Variants in ZBTB20 observed in about 807,000 individuals in gnomAD.
ZBTB20 encodes the protein zinc finger and BTB domain-containing protein 20.
In ZBTB20, 9 loss-of-function variants were observed where a neutral mutation model predicts 56.9. That is an observed-to-expected ratio of 0.16 (90% CI 0.10 to 0.28). The LOEUF (loss-of-function observed/expected upper bound fraction) is 0.28. Among genes scored for constraint, ZBTB20 ranks in the 10% least tolerant of loss-of-function variants. The pLI, the probability that ZBTB20 is intolerant of heterozygous loss-of-function variation, is 1.00. For missense variants in ZBTB20, 655 were observed against 1,003.0 expected, an observed-to-expected ratio of 0.65 and a Z score of 4.69; for synonymous variants, 417 against 420.7, an observed-to-expected ratio of 0.99 and a Z score of 0.11.
intron 7 of ZBTB20, among the ~76,000 whole-genome samples, chr3:114,408,227 T>A (rs560238452): frequency 1.3e-5 from 2 of 152,220 alleles, no homozygotes; most frequent in Non-Finnish European, 2.9e-5. Context: ...AAGTACTGAG[T>A]TTGCTTGTTA....
chr3:114,827,912 T>G (rs761339170), intron 4 of ZBTB20, among the ~76,000 whole-genome samples: 3 of 151,906 alleles, frequency 2.0e-5, no homozygotes, highest in Non-Finnish European at 3.0e-5. Context: ...TTGTTTCTAC[T>G]GATAGTACAC....
At chr3:114,343,732 G>A (rs1272011174) in intron 11 of ZBTB20, among the ~76,000 whole-genome samples, 4 of 152,184 alleles carry the variant, frequency 2.6e-5, no homozygotes, top group African/African-American at 9.6e-5. Flanking sequence ...TCTAGTCTCC[G>A]TCAAGAGACG....
chr3:114,748,347 T>C (rs369478053), intron 5 of ZBTB20, among the ~76,000 whole-genome samples: 6,674 of 80,820 alleles, frequency 0.083, 186 homozygotes, highest in Middle Eastern at 0.14. Flanking sequence ...CTTTCTTTCT[T>C]TCTTTTCTCT....
At chr3:114,817,294 G>T (rs2072993597) in intron 4 of ZBTB20, among the ~76,000 whole-genome samples, 1 of 151,836 alleles carries the variant, frequency 6.6e-6, no homozygotes, top group Non-Finnish European at 1.5e-5. Context: ...TGAGGTGGGT[G>T]GATCACCTGA....
chr3:114,583,436 T>C (rs1270884593), intron 6 of ZBTB20, among the ~76,000 whole-genome samples: 1 of 152,170 alleles, frequency 6.6e-6, no homozygotes, highest in Non-Finnish European at 1.5e-5. Flanking sequence ...TAGTGTTTTG[T>C]TGAAACCAAC....
chr3:114,362,978 G>A (rs114441594), intron 10 of ZBTB20, among the ~76,000 whole-genome samples: 1,714 of 152,160 alleles, frequency 0.011, 29 homozygotes, highest in African/African-American at 0.039. Flanking sequence ...TTTTCTCTTG[G>A]TGGCCACTGG....
intron 7 of ZBTB20, among the ~76,000 whole-genome samples, chr3:114,443,453 C>T (rs542481577): frequency 3.3e-5 from 5 of 152,154 alleles, no homozygotes; most frequent in Non-Finnish European, 7.4e-5. Flanking sequence ...GCAAGCAACA[C>T]CACTGCATTT....
intron 7 of ZBTB20, among the ~76,000 whole-genome samples, chr3:114,461,087 T>C (rs1325765578): frequency 6.6e-6 from 1 of 152,128 alleles, no homozygotes; most frequent in Non-Finnish European, 1.5e-5. Context: ...CAATTGTATC[T>C]CCAAGTTAAT....
chr3:115,060,949 T>C (rs2081990575), intron 2 of ZBTB20, among the ~76,000 whole-genome samples: 1 of 152,158 alleles, frequency 6.6e-6, no homozygotes, highest in Non-Finnish European at 1.5e-5. Context: ...GGTTAGAGAA[T>C]TCACCTTTAT....
chr3:114,389,887 C>CAAAAAAAAAAAAAAAAAA (rs34247337), intron 7 of ZBTB20, among the ~76,000 whole-genome samples: 1 of 77,632 alleles, frequency 1.3e-5, no homozygotes, highest in African/African-American at 5.8e-5. Flanking sequence ...GAGTCCATCT[C>CAAAAAAAAAAAAAAAAAA]AAAAAAAAAA....
At chr3:114,383,505 G>A (rs575349474) in intron 8 of ZBTB20, 1 of 152,264 alleles carries the variant, frequency 6.6e-6, no homozygotes, top group South Asian at 2.1e-4. Flanking sequence ...TGATCACTTT[G>A]GGAGAATATT....
chr3:114,387,479 C>T (rs547372150), intron 8 of ZBTB20: 6 of 152,278 alleles, frequency 3.9e-5, no homozygotes, highest in Middle Eastern at 3.4e-3. Context: ...ATACTTCCTA[C>T]GACAGGAATA....
At chr3:115,010,675 C>T (rs1208584267) in intron 2 of ZBTB20, among the ~76,000 whole-genome samples, 8 of 151,846 alleles carry the variant, frequency 5.3e-5, no homozygotes, top group African/African-American at 1.7e-4. Context: ...CCAAGAAGGG[C>T]GGCTACAAAT....
In ZBTB20 at chr3:114,315,284, A is replaced by T. The variant is rs1464459192; in HGVS notation, c.*23721T>A. ...CAGCCCAGGTTCCTCTTAGGAAATT[A>T]ACCTTTCAATTTAAAGCTCTCTTTC... On this transcript the variant is annotated 3_prime_UTR_variant, in exon 12 of 12. Transcript: ENST00000675478. The T allele has an allele frequency of 1.3e-5, 2 of 152,204 alleles. No individual in the cohort carries two copies. Among genetic ancestry groups the T allele is most frequent in the African/African-American group, 4.8e-5 (2 of 41,440 alleles). 9.4% of individuals were successfully genotyped at this position (152,204 alleles called of 1,614,324 possible). A position where few individuals can be genotyped will look rare whatever the true frequency, so the allele number is the denominator to read the frequency against.
In ZBTB20 at chr3:114,625,228, GA is replaced by G. The variant is rs562687924; in HGVS notation, c.-295+68299del. On this transcript the variant is annotated intron_variant, in intron 6 of 11. Coordinates refer to ENST00000675478, the MANE Select transcript of ZBTB20 (RefSeq NM_001348800.3). ...GACTGTAAAAAAAGAAGCATCAAGA[GA>G]AAAAAAAAAGCTGCCTACCAAACAT... Among the ~76,000 whole-genome samples, 14 of 146,228 alleles carry G rather than the reference GA, an allele frequency of 9.6e-5. No individual in the cohort carries two copies. The Middle Eastern group carries it at 0.01, about 109-fold the overall frequency.
chr3:114,989,168 T>C (rs1270093628), intron 2 of ZBTB20, among the ~76,000 whole-genome samples: 1 of 152,202 alleles, frequency 6.6e-6, no homozygotes, highest in Admixed American at 6.5e-5. Context: ...AGACATGAAG[T>C]CCTTGCCCAT....
chr3:114,458,697 AC>A (rs1425992679), intron 7 of ZBTB20, among the ~76,000 whole-genome samples: 1 of 151,828 alleles, frequency 6.6e-6, no homozygotes, highest in African/African-American at 2.4e-5. Context: ...TGAATTATTA[AC>A]CCATTTATTA....
Position 114,316,464 on chromosome 3 carries a change from G to A in ZBTB20, c.*22541C>T. 1 of 493,760 alleles carries A rather than the reference G, an allele frequency of 2.0e-6. No homozygotes were observed. Among genetic ancestry groups the A allele is most frequent in the Non-Finnish European group, 4.2e-6 (1 of 240,914 alleles). 30.6% of individuals were successfully genotyped at this position (493,760 alleles called of 1,614,324 possible). A position where few individuals can be genotyped will look rare whatever the true frequency, so the allele number is the denominator to read the frequency against. ...ATCTGATTTTGTTATGTGCATGTGT[G>A]TATATATGCACATATACACACCTAT... On this transcript the variant is annotated 3_prime_UTR_variant, in exon 12 of 12. Coordinates refer to ENST00000675478, the MANE Select transcript of ZBTB20 (RefSeq NM_001348800.3).
chr3:114,879,463 G>A (rs1018478899), intron 4 of ZBTB20, among the ~76,000 whole-genome samples: 1 of 152,122 alleles, frequency 6.6e-6, no homozygotes, highest in Non-Finnish European at 1.5e-5. Flanking sequence ...ACTGGAATGA[G>A]TAGTCAGGAA....
Sources: gnomAD v4.1 joint callset for allele counts (sites outside exome capture counted in the v4.1 genomes callset) on GRCh38, gnomAD v4.1.1 for gene constraint, MANE v1.5 for transcripts, NCBI Gene and HGNC (gene_info 2026-07-23, HGNC 2026-07-21) for gene names.